Variants in ERAP2 observed in about 807,000 individuals in gnomAD.
ERAP2 encodes the protein endoplasmic reticulum aminopeptidase 2, also known as leukocyte-derived arginine aminopeptidase.
A neutral mutation model predicts 111.1 loss-of-function variants in ERAP2; 118 were observed. The ratio of observed to expected loss-of-function variants is 1.06; its 90% confidence interval spans 0.92 to 1.24. The LOEUF is 1.24. Ranked by LOEUF, ERAP2 falls within the 50% of genes most tolerant of loss-of-function variation. ERAP2 has a pLI of 0.00. For synonymous variants in ERAP2, 410 were observed against 401.2 expected (o/e 1.02, Z -0.26); for missense variants, 1,131 against 1,125.8 (o/e 1.00, Z -0.07).
rs1444512404 is a variant in ERAP2, at chr5:96,918,969, G to T, written c.*1364G>T. ...CTTAATTATTTGAATAAGGTAGTTT[G>T]GAATAAAGAAAGAAAAGATCACTCT... is the stretch of plus-strand genomic sequence containing the variant. On this transcript the variant is annotated 3_prime_UTR_variant, in exon 19 of 19. Transcript: ENST00000437043. The T allele has an allele frequency of 6.6e-6, 1 of 152,054 alleles. No homozygotes were observed. The highest frequency in any genetic ancestry group is 2.4e-5 in the African/African-American group (1 of 41,398). 9.4% of individuals were successfully genotyped at this position (152,054 alleles called of 1,614,324 possible).
rs1169444636 is a variant in ERAP2 at position 96,908,944 on chromosome 5, T to C, written c.2013-17T>C. 8 of 1,606,810 alleles carry C rather than the reference T, an allele frequency of 5.0e-6. No homozygotes were observed. The highest frequency in any genetic ancestry group is 6.8e-6 in the Non-Finnish European group (8 of 1,177,196). On this transcript the variant is annotated splice_polypyrimidine_tract_variant and intron_variant, in intron 13 of 18. Coordinates refer to ENST00000437043, the MANE Select transcript of ERAP2 (RefSeq NM_022350.5). ...ATAAGATATGCACAAACCACTGACA[T>C]TTGTTTTATACTTCAGTGCAGGGAG...
chr5:96,898,828 C>CT (rs1314852626), intron 9 of ERAP2, among the ~76,000 whole-genome samples: 3 of 152,152 alleles, frequency 2.0e-5, no homozygotes, highest in African/African-American at 7.2e-5. Context: ...GGTCCAGACA[C>CT]ACTTTCTCCA....
rs1313975360 is a variant in ERAP2 at position 96,886,767 on chromosome 5, GCTTCA to G, written c.833_837del (p.Thr278IlefsTer29). On this transcript the variant is annotated frameshift_variant, in exon 4 of 19. Coordinates refer to ENST00000437043, the MANE Select transcript of ERAP2 (RefSeq NM_022350.5). LOFTEE classifies it high-confidence loss of function. ...GTTTGTGATTTCCACTCTCTGAGTG[GCTTCA>G]CTTCATCAGGGGTCAAGGTGAGACT... 2 of 1,515,194 alleles carry G rather than the reference GCTTCA, an allele frequency of 1.3e-6. No individual in the cohort carries two copies. Among genetic ancestry groups the G allele is most frequent in the Non-Finnish European group, 1.8e-6 (2 of 1,113,394 alleles). The allele number at this position is 1,515,194 out of a possible 1,614,324, so 93.9% of individuals were successfully genotyped here.
intron 12 of ERAP2, chr5:96,902,953 T>G (rs1785637858): frequency 6.4e-6 from 1 of 155,750 alleles, no homozygotes; most frequent in African/African-American, 2.4e-5. Context: ...CACAAAGTCA[T>G]GCTTAACCTG....
At position 96,911,866 on chromosome 5, in the gene ERAP2, C is replaced by CAAAAAAAAAAAAA. The variant is rs386358295; in HGVS notation, c.2355-768_2355-756dup. 3.6e-3 allele frequency among the ~76,000 whole-genome samples: 204 copies of CAAAAAAAAAAAAA among 56,260 alleles called. 2 individuals carry two copies. The highest frequency in any genetic ancestry group is 5.5e-3 in the Non-Finnish European group (161 of 29,442). 36.9% of individuals were successfully genotyped at this position (56,260 alleles called of 152,430 possible). On this transcript the variant is annotated intron_variant, in intron 15 of 18. Transcript: ENST00000437043. Reference sequence around the variant, plus strand: ...TGAACAACAGAGTAAGACCCTGTCTCAAAAAAAAAAAAAAAGAAAGAAAGA... The same window carrying CAAAAAAAAAAAAA: ...TGAACAACAGAGTAAGACCCTGTCTCAAAAAAAAAAAAAAAAAAAAAAAAAAAAGAAAGAAAGA...
At chr5:96,895,191 A>G in intron 6 of ERAP2, 55 bp from the exon 7 acceptor site, 1 of 1,100,702 alleles carries the variant, frequency 9.1e-7, no homozygotes, top group Non-Finnish European at 1.3e-6. Context: ...TTTTTGCTAA[A>G]GTTAATAATT....
Position 96,912,611 on chromosome 5 carries a change from CTTCA to C in ERAP2, c.2355-23_2355-20del, listed in dbSNP as rs1786922372. On this transcript the variant is annotated intron_variant, in intron 15 of 18. Transcript: ENST00000437043. ...AAGTTTTTCTTTCATAAAACTTTTT[CTTCA>C]TTTTTATGCTTGATATTACAGTATA... 2.6e-6 allele frequency: 4 copies of C among 1,566,482 alleles called. No homozygotes were observed. In the South Asian group the frequency reaches 4.8e-5, roughly 19 times the overall value.
chr5:96,905,303 G>A (rs1225908983), intron 13 of ERAP2, among the ~76,000 whole-genome samples: 1 of 152,108 alleles, frequency 6.6e-6, no homozygotes, highest in Non-Finnish European at 1.5e-5. Flanking sequence ...TAAGTGCGAA[G>A]GGGAAACAAA....
chr5:96,913,745 C>T (rs1435831549), intron 17 of ERAP2, among the ~76,000 whole-genome samples: 1 of 152,214 alleles, frequency 6.6e-6, no homozygotes, highest in Non-Finnish European at 1.5e-5. Flanking sequence ...CCCCCTCCCA[C>T]CATCCCTTCT....
At chr5:96,888,892 C>A (rs1377893150) in intron 4 of ERAP2, among the ~76,000 whole-genome samples, 1 of 152,086 alleles carries the variant, frequency 6.6e-6, no homozygotes, top group Non-Finnish European at 1.5e-5. Context: ...AAGTGGGTTC[C>A]TCTCTATGAT....
intron 9 of ERAP2, among the ~76,000 whole-genome samples, chr5:96,898,007 G>A (rs1785037664): frequency 6.6e-6 from 1 of 152,128 alleles, no homozygotes; most frequent in African/African-American, 2.4e-5. Flanking sequence ...GACCAGCCTG[G>A]CCAATTCGTG....
chr5:96,916,456 CTTTTTTTTTTT>C (rs745860227), intron 18 of ERAP2, among the ~76,000 whole-genome samples: 1 of 97,640 alleles, frequency 1.0e-5, no homozygotes, highest in African/African-American at 4.3e-5. Context: ...TTCTAGTTAT[CTTTTTTTTTTT>C]TTTTTTTTTT....
chr5:96,917,418 G>A (rs1787538415), intron 18 of ERAP2, 44 bp from the exon 19 acceptor site: 1 of 1,566,404 alleles, frequency 6.4e-7, no homozygotes, highest in South Asian at 1.1e-5. Flanking sequence ...ACCACACTCG[G>A]CCAAGACAAA....
intron 16 of ERAP2, among the ~76,000 whole-genome samples, chr5:96,913,015 G>A (rs1033493082): frequency 1.3e-5 from 2 of 152,070 alleles, no homozygotes; most frequent in African/African-American, 4.8e-5. Context: ...CTAGACAAGC[G>A]GTTATGTTTT....
At position 96,879,860 on chromosome 5, in the gene ERAP2, G is replaced by A. The variant is rs755150805; in HGVS notation, c.175G>A (p.Gly59Arg). 1.2e-6 allele frequency: 2 copies of A among 1,614,120 alleles called. No homozygotes were observed. Among genetic ancestry groups the A allele is most frequent in the Non-Finnish European group, 1.7e-6 (2 of 1,180,022 alleles). Residue 59 changes from glycine (G) to arginine (R), a missense_variant, in exon 2 of 19, where the codon GGG becomes AGG. Gly to Arg is a moderately radical substitution (Grantham distance 125). Around this residue, in one of 3 missense-constraint regions of ERAP2, gnomAD observed 847 missense variants for 856.5 expected, o/e 0.99. Coordinates refer to ENST00000437043, the MANE Select transcript of ERAP2 (RefSeq NM_022350.5). ...TGGGGCTTTCCCAGTAGCCACTAAT[G>A]GGGAACGATTTCCTTGGCAGGAGCT... ...DPGAFPVATN[G>R]ERFPWQELRL...
chr5:96,908,970 A>T lies in ERAP2; in HGVS notation c.2022A>T (p.Arg674Ser). 2 of 1,614,044 alleles carry T rather than the reference A, an allele frequency of 1.2e-6. No homozygotes were observed. Among genetic ancestry groups the T allele is most frequent in the Non-Finnish European group, 1.7e-6 (2 of 1,179,952 alleles). Residue 674 changes from arginine (R) to serine (S), a missense_variant, in exon 14 of 19, where the codon AGA becomes AGT. Around this residue, in one of 3 missense-constraint regions of ERAP2, gnomAD observed 847 missense variants for 856.5 expected, o/e 0.99. Coordinates refer to ENST00000437043, the MANE Select transcript of ERAP2 (RefSeq NM_022350.5). ...TTGTTTTATACTTCAGTGCAGGGAG[A>T]CTGACCCTAGACAAAGCTCTTGACA... ...HDVFQLVGAG[R>S]LTLDKALDMT...
At chr5:96,876,974 T>G (rs1482965355) in intron 1 of ERAP2, among the ~76,000 whole-genome samples, 2 of 152,060 alleles carry the variant, frequency 1.3e-5, no homozygotes, top group Non-Finnish European at 2.9e-5. Context: ...ATTTATGTAT[T>G]TATTTATTTA....
intron 17 of ERAP2, among the ~76,000 whole-genome samples, chr5:96,914,222 A>C (rs925063870): frequency 6.6e-6 from 1 of 151,998 alleles, no homozygotes; most frequent in Admixed American, 6.6e-5. Context: ...CTAAAATGTC[A>C]TTTATGACTT....
chr5:96,891,800 C>T (rs1216387062), intron 5 of ERAP2, among the ~76,000 whole-genome samples: 2 of 151,858 alleles, frequency 1.3e-5, no homozygotes, highest in African/African-American at 2.4e-5. Flanking sequence ...AAATATCAAT[C>T]GAAATATTGA....
Sources: allele counts gnomAD v4.1 joint callset (sites outside exome capture counted in the v4.1 genomes callset), GRCh38; gene constraint gnomAD v4.1.1; regional missense constraint gnomAD v4.1.1; transcripts MANE v1.5; gene names NCBI Gene and HGNC (gene_info 2026-07-23, HGNC 2026-07-21).